The following CCDC60 variants were observed in gnomAD, a reference collection of about 807,000 sequenced individuals.
The protein encoded by CCDC60 is coiled-coil domain-containing protein 60.
In CCDC60, 54 loss-of-function variants were observed where a neutral mutation model predicts 63.5. That is an observed-to-expected ratio of 0.85 (90% CI 0.68 to 1.07). The LOEUF is 1.07. CCDC60 is among the 50% of genes least tolerant of loss of function. The pLI, the probability that CCDC60 is intolerant of heterozygous loss-of-function variation, is 0.00. For synonymous variants in CCDC60, 206 were observed against 238.8 expected (o/e 0.86, Z 1.27); for missense variants, 651 against 684.3 (o/e 0.95, Z 0.54).
intron 1 of CCDC60, among the ~76,000 whole-genome samples, chr12:119,423,337 C>T (rs987150252): frequency 2.6e-5 from 4 of 152,118 alleles, no homozygotes. Flanking sequence ...CTTTATAGTC[C>T]CAAAGTGGCC....
At chr12:119,394,637 G>C (rs1376111907) in intron 1 of CCDC60, among the ~76,000 whole-genome samples, 2 of 152,260 alleles carry the variant, frequency 1.3e-5, no homozygotes, top group Non-Finnish European at 2.9e-5. Context: ...ATGGGCAACT[G>C]GTCTCCCCAA....
intron 1 of CCDC60, among the ~76,000 whole-genome samples, chr12:119,342,837 A>G (rs952826367): frequency 3.3e-5 from 5 of 152,338 alleles, no homozygotes; most frequent in African/African-American, 7.2e-5. Flanking sequence ...AATGTGTGCC[A>G]TCTTTATTCC....
rs772252087 is a variant in CCDC60 at position 119,387,032 on chromosome 12, T to TCA, written c.91-41650_91-41649insAC. 9.8e-3 allele frequency among the ~76,000 whole-genome samples: 1,181 copies of TCA among 120,178 alleles called. 13 individuals are homozygous for TCA. Among genetic ancestry groups the TCA allele is most frequent in the East Asian group, 0.077 (180 of 2,350 alleles). 78.8% of individuals were successfully genotyped at this position (120,178 alleles called of 152,430 possible). A position where few individuals can be genotyped will look rare whatever the true frequency, so the allele number is the denominator to read the frequency against. On this transcript the variant is annotated intron_variant, in intron 1 of 13. Transcript: ENST00000327554. ...CTCTCCCTCCCTCCCCCTCTGTCTC[T>TCA]CTCACACACACACACACACACACAC... is the stretch of plus-strand genomic sequence containing the variant.
chr12:119,446,651 T>G (rs1481722134), intron 2 of CCDC60, among the ~76,000 whole-genome samples: 1 of 152,036 alleles, frequency 6.6e-6, no homozygotes, highest in Admixed American at 6.6e-5. Context: ...ACAGGCCAAA[T>G]TATGAGTCAG....
chr12:119,498,070 G>A (rs995696697), intron 5 of CCDC60, among the ~76,000 whole-genome samples: 1 of 152,142 alleles, frequency 6.6e-6, no homozygotes, highest in Non-Finnish European at 1.5e-5. Flanking sequence ...GTGGCTGTTC[G>A]CTGGTAGATC....
intron 1 of CCDC60, among the ~76,000 whole-genome samples, chr12:119,419,778 A>G (rs1421578440): frequency 6.6e-6 from 1 of 151,818 alleles, no homozygotes; most frequent in Non-Finnish European, 1.5e-5. Context: ...TCCCCAGATG[A>G]CAGTCTCTCC....
In CCDC60 at chr12:119,424,500, T is replaced by A. The variant is rs577708157; in HGVS notation, c.91-4183T>A. Among the ~76,000 whole-genome samples the A allele has an allele frequency of 2.0e-5, 3 of 152,332 alleles. No homozygotes were observed. In the South Asian group the frequency reaches 6.2e-4, roughly 32 times the overall value. On this transcript the variant is annotated intron_variant, in intron 1 of 13. Coordinates refer to ENST00000327554, the MANE Select transcript of CCDC60 (RefSeq NM_178499.5). The stretch of plus-strand genomic sequence containing the variant: ...ACATCCTCGGGGATAAATCTCTTCA[T>A]CCTGGCGACATAATTTCCTTGGCTG...
intron 2 of CCDC60, among the ~76,000 whole-genome samples, chr12:119,454,525 T>A (rs1042762337): frequency 1.3e-5 from 2 of 152,208 alleles, no homozygotes; most frequent in Non-Finnish European, 2.9e-5. Context: ...GGCCAAATTC[T>A]CTTGACAGAG....
chr12:119,391,965 AT>A (rs1956167543), intron 1 of CCDC60, among the ~76,000 whole-genome samples: 1 of 152,240 alleles, frequency 6.6e-6, no homozygotes, highest in South Asian at 2.1e-4. Flanking sequence ...TGGGTGTGCA[AT>A]ATTGCAGAGG....
intron 2 of CCDC60, among the ~76,000 whole-genome samples, chr12:119,446,472 T>A (rs1383351019): frequency 6.6e-6 from 1 of 152,208 alleles, no homozygotes; most frequent in African/African-American, 2.4e-5. Context: ...ATGTCAATGA[T>A]GCCCCTGGGG....
rs1952008183 is a variant in CCDC60 at position 119,506,463 on chromosome 12, A to G, written c.883+1160A>G. On this transcript the variant is annotated intron_variant, in intron 7 of 13. Coordinates refer to ENST00000327554, the MANE Select transcript of CCDC60 (RefSeq NM_178499.5). ...CAAAAAAAAAAAAAAAAAAAAAAAA[A>G]TTAGCCATGCATGGTGGTGTGTGCC... Among the ~76,000 whole-genome samples, 7 of 134,742 alleles carry G rather than the reference A, an allele frequency of 5.2e-5. No homozygotes were observed. In the South Asian group the frequency reaches 1.6e-3, roughly 31 times the overall value. 88.4% of individuals were successfully genotyped at this position (134,742 alleles called of 152,430 possible). A position where few individuals can be genotyped will look rare whatever the true frequency, so the allele number is the denominator to read the frequency against.
At chr12:119,519,504 C>T (rs551960115) in intron 8 of CCDC60, among the ~76,000 whole-genome samples, 2 of 144,486 alleles carry the variant, frequency 1.4e-5, no homozygotes, top group South Asian at 4.4e-4. Context: ...GCTCTGTTAC[C>T]CAGGCTGGAG....
intron 11 of CCDC60, among the ~76,000 whole-genome samples, chr12:119,527,027 A>T (rs1227277441): frequency 6.6e-6 from 1 of 152,236 alleles, no homozygotes; most frequent in Non-Finnish European, 1.5e-5. Context: ...ATGCCCATCA[A>T]TGACAGACTG....
chr12:119,483,522 GTGATT>G (rs1951373233), intron 4 of CCDC60, among the ~76,000 whole-genome samples: 1 of 152,208 alleles, frequency 6.6e-6, no homozygotes, highest in African/African-American at 2.4e-5. Flanking sequence ...CCTTTAATGA[GTGATT>G]GGGCAGCAAG....
intron 9 of CCDC60, among the ~76,000 whole-genome samples, chr12:119,522,505 G>A (rs1271555880): frequency 6.6e-6 from 1 of 152,192 alleles, no homozygotes; most frequent in African/African-American, 2.4e-5. Context: ...ACTGCACCTG[G>A]TCCAGTGTTA....
chr12:119,513,878 T>C (rs548263791), intron 7 of CCDC60, among the ~76,000 whole-genome samples: 4 of 152,218 alleles, frequency 2.6e-5, no homozygotes, highest in East Asian at 3.8e-4. Flanking sequence ...CAAATGACTA[T>C]GGTACTGGTT....
chr12:119,477,919 C>A (rs1951213092), intron 3 of CCDC60, among the ~76,000 whole-genome samples: 1 of 151,872 alleles, frequency 6.6e-6, no homozygotes, highest in Non-Finnish European at 1.5e-5. Context: ...CACACACACA[C>A]TCACAGAGAG....
chr12:119,462,493 C>A (rs1291983099), intron 2 of CCDC60, among the ~76,000 whole-genome samples: 1 of 151,982 alleles, frequency 6.6e-6, no homozygotes, highest in Non-Finnish European at 1.5e-5. Flanking sequence ...CTGCCTTCTG[C>A]CTGTCTCACT....
chr12:119,349,337 C>CTT (rs34682909), intron 1 of CCDC60, among the ~76,000 whole-genome samples: 15 of 126,280 alleles, frequency 1.2e-4, no homozygotes, highest in Admixed American at 2.5e-4. Context: ...GGGCGTGTTC[C>CTT]TTTTTTTTTT....
Sources: gnomAD v4.1 joint callset for allele counts (sites outside exome capture counted in the v4.1 genomes callset) on GRCh38, gnomAD v4.1.1 for gene constraint, MANE v1.5 for transcripts, NCBI Gene and HGNC (gene_info 2026-07-23, HGNC 2026-07-21) for gene names.